Variants in SLC16A2 observed in about 807,000 individuals in gnomAD.
The protein encoded by SLC16A2 is solute carrier family 16 member 2, also known as monocarboxylate transporter 8.
In SLC16A2, 3 loss-of-function variants were observed where a neutral mutation model predicts 27.2. The observed-to-expected ratio is 0.11, with a 90% confidence interval of 0.05 to 0.28. The LOEUF (loss-of-function observed/expected upper bound fraction) is 0.28. Among genes scored for constraint, SLC16A2 ranks in the 10% least tolerant of loss-of-function variants. The pLI is 1.00. For missense variants in SLC16A2, 295 were observed against 458.5 expected, an observed-to-expected ratio of 0.64 and a Z score of 3.26; for synonymous variants, 202 against 187.8, an observed-to-expected ratio of 1.08 and a Z score of -0.62.
At chrX:74,506,937 ATT>A (rs34001854) in intron 1 of SLC16A2, among the ~76,000 whole-genome samples, 37,785 of 83,752 alleles carry the variant, frequency 0.45, 8,842 homozygotes, top group Non-Finnish European at 0.6. Flanking sequence ...TTATTTATTT[ATT>A]TTTTTTTTTT....
rs577667206 is a variant in SLC16A2, at chrX:74,532,019, A to G, written c.*466A>G. The G allele has an allele frequency of 3.9e-5, 7 of 181,088 alleles. 1 individual carries two copies. The South Asian group carries it at 8.2e-4, about 21-fold the overall frequency. 14.9% of individuals were successfully genotyped at this position (181,088 alleles called of 1,213,427 possible). ...CTGGGTGGAGGGGCAGGGAGGCAAA[A>G]TGAGACAAGTAGCCTTGGTTAGTCT... On this transcript the variant is annotated 3_prime_UTR_variant, in exon 6 of 6. Coordinates refer to ENST00000587091, the MANE Select transcript of SLC16A2 (RefSeq NM_006517.5).
intron 1 of SLC16A2, among the ~76,000 whole-genome samples, chrX:74,491,664 G>A (rs1451689806): frequency 2.7e-5 from 3 of 111,984 alleles, no homozygotes; most frequent in Non-Finnish European, 5.6e-5. Flanking sequence ...GATGGTTGGC[G>A]AGCCTTAGAA....
At chrX:74,446,652 C>A (rs868569340) in intron 1 of SLC16A2, among the ~76,000 whole-genome samples, 1 of 105,668 alleles carries the variant, frequency 9.5e-6, no homozygotes, top group African/African-American at 3.5e-5. Flanking sequence ...AACAAAACAA[C>A]CAAACAAACA....
At chrX:74,424,382 A>G (rs1928365976) in intron 1 of SLC16A2, among the ~76,000 whole-genome samples, 1 of 111,042 alleles carries the variant, frequency 9.0e-6, no homozygotes, top group Non-Finnish European at 1.9e-5. Context: ...TATCACATGG[A>G]GCTCCTAGAA....
intron 1 of SLC16A2, among the ~76,000 whole-genome samples, chrX:74,479,483 T>C (rs754778198): frequency 8.9e-6 from 1 of 112,492 alleles, no homozygotes; most frequent in East Asian, 2.8e-4. Flanking sequence ...TTCTCTCAAC[T>C]CGTCAAAGTC....
intron 4 of SLC16A2, among the ~76,000 whole-genome samples, chrX:74,527,273 C>T (rs1930499235): frequency 8.9e-6 from 1 of 112,521 alleles, no homozygotes; most frequent in Non-Finnish European, 1.9e-5. Context: ...AATCTTAGAA[C>T]ATTATAGCTG....
intron 2 of SLC16A2, 78 bp downstream of exon 2, chrX:74,521,212 C>A: frequency 9.0e-7 from 1 of 1,116,049 alleles, no homozygotes; most frequent in Non-Finnish European, 1.2e-6. Flanking sequence ...GGTTACTTTT[C>A]TCACTGCAGA....
chrX:74,524,286 G>T (rs963291385), intron 2 of SLC16A2, 73 bp from the exon 3 acceptor site: 10 of 1,084,630 alleles, frequency 9.2e-6, no homozygotes, highest in Non-Finnish European at 1.3e-5. Context: ...GGAAGTCTCA[G>T]GAAGCTGACA....
rs748919451 is a variant in SLC16A2 at position 74,530,090 on chromosome X, C to CTT, written c.1399+668_1399+669dup. Among the ~76,000 whole-genome samples, 169 of 67,907 alleles carry CTT rather than the reference C, an allele frequency of 2.5e-3. 2 individuals carry two copies. The highest frequency in any genetic ancestry group is 6.5e-3 in the African/African-American group (134 of 20,756). 59.0% of individuals were successfully genotyped at this position (67,907 alleles called of 115,157 possible). ...AGAACTCCAATTTCTTTTCTTTTCT[C>CTT]TTTTTTTTTTTTTTTTTTTTGAGAC... On this transcript the variant is annotated intron_variant, in intron 5 of 5. Transcript: ENST00000587091.
At chrX:74,529,171 G>T (rs768576749) in intron 4 of SLC16A2, 42 bp from the exon 5 acceptor site, 2 of 1,000,228 alleles carry the variant, frequency 2.0e-6, no homozygotes, top group East Asian at 3.1e-5. Context: ...ATGTGGTCTT[G>T]GCTGGCCAGC....
intron 1 of SLC16A2, among the ~76,000 whole-genome samples, chrX:74,478,003 C>T (rs958013982): frequency 5.4e-5 from 6 of 112,022 alleles, no homozygotes; most frequent in African/African-American, 2.0e-4. Flanking sequence ...TCTATTAGGT[C>T]TGCTTGGTGC....
intron 4 of SLC16A2, among the ~76,000 whole-genome samples, chrX:74,526,931 C>T (rs1009990702): frequency 8.9e-6 from 1 of 112,685 alleles, no homozygotes; most frequent in African/African-American, 3.2e-5. Flanking sequence ...TGTGAGTCTT[C>T]CCTGCCAGTA....
chrX:74,436,169 CAA>C (rs922797354), intron 1 of SLC16A2, among the ~76,000 whole-genome samples: 1 of 102,381 alleles, frequency 9.8e-6, no homozygotes, highest in African/African-American at 3.7e-5. Flanking sequence ...GAATTCTATC[CAA>C]GAGAGGGGAA....
intron 1 of SLC16A2, among the ~76,000 whole-genome samples, chrX:74,461,553 T>A (rs983351200): frequency 2.7e-5 from 3 of 110,786 alleles, no homozygotes; most frequent in African/African-American, 6.6e-5. Flanking sequence ...CTGTGCAGCT[T>A]ATTTCCAGCT....
chrX:74,434,738 TA>T (rs1163257361), intron 1 of SLC16A2, among the ~76,000 whole-genome samples: 1 of 110,213 alleles, frequency 9.1e-6, no homozygotes, highest in Admixed American at 9.7e-5. Flanking sequence ...TCAGATCCCA[TA>T]AGCCCTAGGA....
At chrX:74,465,971 G>A (rs1475390273) in intron 1 of SLC16A2, among the ~76,000 whole-genome samples, 1 of 111,199 alleles carries the variant, frequency 9.0e-6, no homozygotes, top group Non-Finnish European at 1.9e-5. Context: ...TCTGGTGGGA[G>A]AGGGCTGGTC....
chrX:74,505,759 GAGAGTT>G (rs1161985558), intron 1 of SLC16A2, among the ~76,000 whole-genome samples: 1 of 112,299 alleles, frequency 8.9e-6, no homozygotes, highest in African/African-American at 3.2e-5. Flanking sequence ...ACAGTGTAGG[GAGAGTT>G]GCTTCTGGTA....
intron 1 of SLC16A2, among the ~76,000 whole-genome samples, chrX:74,456,134 G>A (rs191044016): frequency 6.8e-4 from 76 of 112,293 alleles, no homozygotes; most frequent in African/African-American, 2.2e-3. Context: ...GGAGAGACAA[G>A]AAGTAGATAA....
chrX:74,474,569 G>A (rs1234041255), intron 1 of SLC16A2, among the ~76,000 whole-genome samples: 4 of 108,749 alleles, frequency 3.7e-5, no homozygotes, highest in African/African-American at 1.3e-4. Context: ...ATGTTGGTGT[G>A]CTGCACCCAT....
Sources: gnomAD v4.1 joint callset for allele counts (sites outside exome capture counted in the v4.1 genomes callset) on GRCh38, gnomAD v4.1.1 for gene constraint, MANE v1.5 for transcripts, NCBI Gene and HGNC (gene_info 2026-07-23, HGNC 2026-07-21) for gene names.